TMPRSS11A: variants seen among roughly 807,000 people sequenced by gnomAD.
TMPRSS11A encodes transmembrane protease serine 11A.
TMPRSS11A carries 53 observed loss-of-function variants against 58.9 expected under a neutral mutation model. That is an observed-to-expected ratio of 0.90 (90% CI 0.72 to 1.13). TMPRSS11A has a LOEUF of 1.13. Among genes scored for constraint, TMPRSS11A ranks in the 50% most tolerant of loss-of-function variants. TMPRSS11A has a pLI of 0.00. For synonymous variants in TMPRSS11A, 167 were observed against 169.8 expected (o/e 0.98, Z 0.13); for missense variants, 493 against 499.3 (o/e 0.99, Z 0.12).
chr4:67,924,188 A>T (rs200746363), intron 5 of TMPRSS11A, 22 bp from the exon 6 acceptor site: 3 of 1,608,796 alleles, frequency 1.9e-6, no homozygotes, highest in Non-Finnish European at 2.6e-6. Context: ...GATAAAACAA[A>T]TAGTGATAAT....
chr4:67,930,113 T>C lies in TMPRSS11A; in HGVS notation c.321-73A>G, dbSNP rs1435811001. 1.1e-5 allele frequency: 15 copies of C among 1,395,558 alleles called. No individual in the cohort carries two copies. The South Asian group carries it at 2.1e-4, about 20-fold the overall frequency. The allele number at this position is 1,395,558 out of a possible 1,614,324, so 86.4% of individuals were successfully genotyped here. On this transcript the variant is annotated intron_variant, in intron 4 of 9. Coordinates refer to ENST00000508048, the MANE Select transcript of TMPRSS11A (RefSeq NM_001114387.2). ...TTGTCCTTCAGTCTTACCTGTATCT[T>C]CCTCCCCTGAATGATCCCTCAGTTG...
At chr4:67,939,810 C>T (rs140110713) in intron 3 of TMPRSS11A, among the ~76,000 whole-genome samples, 1,654 of 152,050 alleles carry the variant, frequency 0.011, 28 homozygotes, top group African/African-American at 0.037. Flanking sequence ...TGCCTCAGCC[C>T]TCCGAGTAGC....
intron 7 of TMPRSS11A, among the ~76,000 whole-genome samples, chr4:67,920,549 A>ATATATATATATATATATATATATAT (rs371252656): frequency 3.1e-5 from 4 of 130,900 alleles, no homozygotes; most frequent in African/African-American, 1.2e-4. Flanking sequence ...ATATATATAT[A>ATATATATATATATATATATATATAT]TTTTTTTTTA....
chr4:67,930,808 C>CTT (rs67302217), intron 4 of TMPRSS11A, among the ~76,000 whole-genome samples: 1,257 of 51,094 alleles, frequency 0.025, 132 homozygotes, highest in African/African-American at 0.086. Flanking sequence ...GTTATCTCTC[C>CTT]TTTTTTTTTT....
At chr4:67,961,448 CTTTCT>C (rs1721416076) in intron 1 of TMPRSS11A, among the ~76,000 whole-genome samples, 1 of 148,658 alleles carries the variant, frequency 6.7e-6, no homozygotes, top group Admixed American at 6.6e-5. Flanking sequence ...TTTCTTTTTC[CTTTCT>C]TTTCTTTTCT....
At chr4:67,944,673 T>C (rs200923084) in intron 2 of TMPRSS11A, 36 bp from the exon 3 acceptor site, 9 of 1,591,266 alleles carry the variant, frequency 5.7e-6, no homozygotes, top group South Asian at 4.6e-5. Context: ...ACTAAATGGT[T>C]TGGACAAAGA....
intron 3 of TMPRSS11A, among the ~76,000 whole-genome samples, chr4:67,944,174 A>C (rs7688590): frequency 6.6e-6 from 1 of 152,134 alleles, no homozygotes; most frequent in Non-Finnish European, 1.5e-5. Context: ...ACTAGTTTTG[A>C]TATGATTAGG....
At chr4:67,928,676 C>G (rs1720534779) in intron 5 of TMPRSS11A, among the ~76,000 whole-genome samples, 1 of 152,196 alleles carries the variant, frequency 6.6e-6, no homozygotes, top group Non-Finnish European at 1.5e-5. Flanking sequence ...GGGAGAGGTC[C>G]TCAGCTTTAT....
chr4:67,924,556 A>T (rs984267502), intron 5 of TMPRSS11A, among the ~76,000 whole-genome samples: 1 of 152,224 alleles, frequency 6.6e-6, no homozygotes, highest in African/African-American at 2.4e-5. Context: ...CACTGCTGAT[A>T]AAGACATATC....
chr4:67,956,081 C>CT (rs1481687514), intron 1 of TMPRSS11A, among the ~76,000 whole-genome samples: 3 of 152,072 alleles, frequency 2.0e-5, no homozygotes, highest in African/African-American at 4.8e-5. Flanking sequence ...GTTTTCTTCC[C>CT]TGTAAATTGG....
At chr4:67,943,437 A>G (rs1410940312) in intron 3 of TMPRSS11A, among the ~76,000 whole-genome samples, 1 of 152,206 alleles carries the variant, frequency 6.6e-6, no homozygotes, top group Non-Finnish European at 1.5e-5. Context: ...AAGGCAAGTT[A>G]AGAGTTTTCT....
chr4:67,956,167 G>A (rs914569163), intron 1 of TMPRSS11A, among the ~76,000 whole-genome samples: 2 of 152,112 alleles, frequency 1.3e-5, no homozygotes, highest in Non-Finnish European at 2.9e-5. Context: ...TCCTACTCTA[G>A]GTCAGGAGGT....
At chr4:67,915,748 C>A (rs1436499207) in intron 8 of TMPRSS11A, among the ~76,000 whole-genome samples, 1 of 152,240 alleles carries the variant, frequency 6.6e-6, no homozygotes, top group African/African-American at 2.4e-5. Context: ...CTTGAGGAGA[C>A]CTTCAAAGGA....
chr4:67,938,242 A>C (rs1447721662), intron 3 of TMPRSS11A, among the ~76,000 whole-genome samples: 1 of 151,906 alleles, frequency 6.6e-6, no homozygotes, highest in Non-Finnish European at 1.5e-5. Context: ...CCTACTTTTT[A>C]ATGGCGTTAC....
At chr4:67,937,083 A>G (rs1720771911) in intron 3 of TMPRSS11A, among the ~76,000 whole-genome samples, 1 of 152,208 alleles carries the variant, frequency 6.6e-6, no homozygotes, top group Non-Finnish European at 1.5e-5. Context: ...GCCTAACATC[A>G]TGCTGTATTT....
intron 1 of TMPRSS11A, among the ~76,000 whole-genome samples, chr4:67,954,705 A>G (rs547988583): frequency 3.3e-5 from 5 of 152,198 alleles, no homozygotes; most frequent in Non-Finnish European, 7.3e-5. Context: ...ACGGACTTCT[A>G]ATTGGGAGTG....
At position 67,944,572 on chromosome 4, in the gene TMPRSS11A, C is replaced by G; in HGVS notation, c.199G>C (p.Gly67Arg). 1.2e-6 allele frequency: 2 copies of G among 1,612,844 alleles called. No homozygotes were observed. Among genetic ancestry groups the G allele is most frequent in the Non-Finnish European group, 1.7e-6 (2 of 1,179,152 alleles). ...ILDPQINNNF[G>R]QSNTYQLKDL... ...TTAAGTTGATATGTGTTGCTTTGTC[C>G]GAAATTGTTATTGATTTGTGGATCT... Residue 67 changes from glycine to arginine, a missense_variant, in exon 3 of 10, where the codon GGA (glycine) becomes CGA (arginine). Coordinates refer to ENST00000508048, the MANE Select transcript of TMPRSS11A (RefSeq NM_001114387.2).
chr4:67,939,840 C>T (rs1483759956), intron 3 of TMPRSS11A, among the ~76,000 whole-genome samples: 1 of 152,064 alleles, frequency 6.6e-6, no homozygotes, highest in Non-Finnish European at 1.5e-5. Context: ...AGGCACCTGC[C>T]ACCATGCCCG....
chr4:67,923,033 C>T lies in TMPRSS11A; in HGVS notation c.521-107G>A, dbSNP rs60962452. 1.0e-3 allele frequency: 1,020 copies of T among 991,396 alleles called. 4 individuals are homozygous for T. In the African/African-American group the frequency reaches 0.015, roughly 15 times the overall value. The allele number at this position is 991,396 out of a possible 1,614,324, so 61.4% of individuals were successfully genotyped here. On this transcript the variant is annotated intron_variant, in intron 6 of 9. Coordinates refer to ENST00000508048, the MANE Select transcript of TMPRSS11A (RefSeq NM_001114387.2). Reference sequence around the variant, plus strand: ...ATTTTCGTATACTACTCCTCCTGCCCAGGACACTTACCCCACCTGTCACTG... The same window carrying T: ...ATTTTCGTATACTACTCCTCCTGCCTAGGACACTTACCCCACCTGTCACTG...
Sources: gnomAD v4.1 joint callset for allele counts (sites outside exome capture counted in the v4.1 genomes callset) on GRCh38, gnomAD v4.1.1 for gene constraint, MANE v1.5 for transcripts, NCBI Gene and HGNC (gene_info 2026-07-23, HGNC 2026-07-21) for gene names.